ABCG8: variants seen among roughly 807,000 people sequenced by gnomAD.
ABCG8 encodes ATP-binding cassette sub-family G member 8.
A neutral mutation model predicts 71.3 loss-of-function variants in ABCG8; 81 were observed. The ratio of observed to expected loss-of-function variants is 1.14; its 90% confidence interval spans 0.95 to 1.37. The LOEUF is 1.37. Among genes scored for constraint, ABCG8 ranks in the 40% most tolerant of loss-of-function variants. The pLI, the probability that ABCG8 is intolerant of heterozygous loss-of-function variation, is 0.00. For synonymous variants in ABCG8, 451 were observed against 354.7 expected (o/e 1.27, Z -3.05); for missense variants, 1,119 against 866.2 (o/e 1.29, Z -3.66).
At chr2:43,868,545 T>C (rs965417478) in intron 6 of ABCG8, among the ~76,000 whole-genome samples, 1 of 152,144 alleles carries the variant, frequency 6.6e-6, no homozygotes, top group Non-Finnish European at 1.5e-5. Flanking sequence ...ACTATCTGTC[T>C]GGATAGAATT....
Position 43,844,621 on chromosome 2 carries a change from C to T in ABCG8, c.165+13C>T, listed in dbSNP as rs75365565. ...CCTCAACTACCAGGTAGAGGCACGC[C>T]TGGGTTCAAGGGGAGAGGAGCAGGC... is the stretch of plus-strand genomic sequence containing the variant. On this transcript the variant is annotated intron_variant, in intron 2 of 12. Coordinates refer to ENST00000272286, the MANE Select transcript of ABCG8 (RefSeq NM_022437.3). 21,237 of 1,602,728 alleles carry T rather than the reference C, an allele frequency of 0.013. 390 individuals are homozygous for T. The highest frequency in any genetic ancestry group is 0.083 in the Admixed American group (4,991 of 59,890).
At chr2:43,867,615 A>G (rs567500030) in intron 6 of ABCG8, among the ~76,000 whole-genome samples, 8 of 141,890 alleles carry the variant, frequency 5.6e-5, no homozygotes, top group Non-Finnish European at 1.1e-4. Flanking sequence ...AGAATTCTCA[A>G]TCTCTGCATA....
Position 43,877,699 on chromosome 2 carries a change from A to T in ABCG8, c.1884+11A>T. 6.2e-7 allele frequency: 1 copy of T among 1,613,944 alleles called. No homozygotes were observed. Among genetic ancestry groups the T allele is most frequent in the Non-Finnish European group, 8.5e-7 (1 of 1,179,974 alleles). ...GTCTCAGGAGATAAAGTAAGCGGGG[A>T]AGGCCTCGGGTTCTAAATTATTGGA... On this transcript the variant is annotated intron_variant, in intron 12 of 12. Transcript: ENST00000272286.
intron 4 of ABCG8, 82 bp from the exon 5 acceptor site, chr2:43,852,272 G>A (rs1668944259): frequency 1.4e-5 from 22 of 1,595,794 alleles, no homozygotes; most frequent in Non-Finnish European, 1.7e-5. Flanking sequence ...GGAGGAGCGG[G>A]CGCCTTTATC....
At chr2:43,874,509 T>G in intron 10 of ABCG8, 26 bp downstream of exon 10, 1 of 1,394,770 alleles carries the variant, frequency 7.2e-7, no homozygotes, top group Non-Finnish European at 9.8e-7. Context: ...TGAGAGCAAG[T>G]GCCCCCCACC....
rs6732359 is a variant in ABCG8 at position 43,874,233 on chromosome 2, A to G, written c.1412-174A>G. ...AGCTACAGACTTGCAAAACCTGAAGAGCCTCATCAAACATCTAAATTAGGA... is the reference window on the plus strand; with the variant it reads ...AGCTACAGACTTGCAAAACCTGAAGGGCCTCATCAAACATCTAAATTAGGA... On this transcript the variant is annotated intron_variant, in intron 9 of 12. Transcript: ENST00000272286. Among the ~76,000 whole-genome samples the G allele has an allele frequency of 0.011, 1,708 of 152,284 alleles. 31 individuals are homozygous for G. Among genetic ancestry groups the G allele is most frequent in the African/African-American group, 0.039 (1,632 of 41,540 alleles).
chr2:43,870,534 T>C (rs545192903), intron 6 of ABCG8, among the ~76,000 whole-genome samples: 1 of 152,166 alleles, frequency 6.6e-6, no homozygotes, highest in African/African-American at 2.4e-5. Flanking sequence ...ACCCTTTGGA[T>C]AGAACTCTCA....
chr2:43,879,675 G>C lies in ABCG8; in HGVS notation c.*1762G>C, dbSNP rs536250524. On this transcript the variant is annotated 3_prime_UTR_variant, in exon 13 of 13. Transcript: ENST00000272286. ...ATCAAGCCTTGGATCTAGTTCTCAA[G>C]TCTCTTTTGTCTCTTTCAGTTTAGG... The C allele has an allele frequency of 6.6e-6, 1 of 152,288 alleles. No individual in the cohort carries two copies. Among genetic ancestry groups the C allele is most frequent in the Non-Finnish European group, 1.5e-5 (1 of 68,014 alleles). The allele number at this position is 152,288 out of a possible 1,614,324, so 9.4% of individuals were successfully genotyped here. A position where few individuals can be genotyped will look rare whatever the true frequency, so the allele number is the denominator to read the frequency against.
At chr2:43,846,447 T>C in intron 3 of ABCG8, 136 bp downstream of exon 3, 1 of 1,320,886 alleles carries the variant, frequency 7.6e-7, no homozygotes, top group Admixed American at 1.9e-5. Context: ...GAACACAGGT[T>C]CTGGGTCAGA....
At chr2:43,843,849 C>CATG (rs1230701179) in intron 1 of ABCG8, among the ~76,000 whole-genome samples, 1 of 152,010 alleles carries the variant, frequency 6.6e-6, no homozygotes, top group Non-Finnish European at 1.5e-5. Flanking sequence ...ATAACAACAA[C>CATG]ATGATGATGA....
intron 2 of ABCG8, 59 bp downstream of exon 2, chr2:43,844,667 C>G: frequency 4.3e-6 from 6 of 1,409,284 alleles, no homozygotes; most frequent in East Asian, 2.3e-5. Flanking sequence ...AGGAAATTCC[C>G]CGGGTGGAAA....
At chr2:43,840,385 G>A (rs931369749) in intron 1 of ABCG8, among the ~76,000 whole-genome samples, 1 of 152,202 alleles carries the variant, frequency 6.6e-6, no homozygotes, top group African/African-American at 2.4e-5. Context: ...AACACTTCCT[G>A]CCTGGGAGGG....
At chr2:43,866,302 A>G (rs1232725352) in intron 6 of ABCG8, among the ~76,000 whole-genome samples, 6 of 151,932 alleles carry the variant, frequency 3.9e-5, no homozygotes, top group South Asian at 2.1e-4. Flanking sequence ...CTTCATGTCT[A>G]AAACACCAAA....
rs974912280 is a variant in ABCG8, at chr2:43,880,426, G to A, written c.*2513G>A. ...AGGCCTCAAGTGATCTGCCTGCTTC[G>A]GCCTCCCAAAGTGTTGGGATTACAG... On this transcript the variant is annotated 3_prime_UTR_variant, in exon 13 of 13. Coordinates refer to ENST00000272286, the MANE Select transcript of ABCG8 (RefSeq NM_022437.3). 17 of 152,148 alleles carry A rather than the reference G, an allele frequency of 1.1e-4. No individual in the cohort carries two copies. The highest frequency in any genetic ancestry group is 2.9e-4 in the African/African-American group (12 of 41,504). The allele number at this position is 152,148 out of a possible 1,614,324, so 9.4% of individuals were successfully genotyped here.
At chr2:43,862,308 C>G (rs917366984) in intron 6 of ABCG8, among the ~76,000 whole-genome samples, 1 of 151,260 alleles carries the variant, frequency 6.6e-6, no homozygotes, top group Non-Finnish European at 1.5e-5. Flanking sequence ...TGGTAGAACT[C>G]TCACTATCTA....
rs1182025572 is a variant in ABCG8, at chr2:43,882,947, C to G, written c.*5034C>G. The G allele has an allele frequency of 6.6e-6, 1 of 152,206 alleles. No individual in the cohort carries two copies. The highest frequency in any genetic ancestry group is 2.4e-5 in the African/African-American group (1 of 41,442). The allele number at this position is 152,206 out of a possible 1,614,324, so 9.4% of individuals were successfully genotyped here. A position where few individuals can be genotyped will look rare whatever the true frequency, so the allele number is the denominator to read the frequency against. ...CTTGTTTCCCCAAACTGCTAATAAG[C>G]TCTACTGACCCATGCTAAAAATAAA... On this transcript the variant is annotated 3_prime_UTR_variant, in exon 13 of 13. Transcript: ENST00000272286.
chr2:43,861,039 T>C (rs72796785), intron 6 of ABCG8, among the ~76,000 whole-genome samples: 7,750 of 151,366 alleles, frequency 0.051, 246 homozygotes, highest in Middle Eastern at 0.11. Context: ...TCTATCGGGA[T>C]AGAATTCTCA....
At position 43,877,060 on chromosome 2, in the gene ABCG8, CTA is replaced by C. The variant is rs1159298176; in HGVS notation, c.1757-500_1757-499del. Among the ~76,000 whole-genome samples the C allele has an allele frequency of 3.2e-4, 44 of 136,808 alleles. 1 individual carries two copies. The highest frequency in any genetic ancestry group is 1.2e-3 in the African/African-American group (44 of 35,516). The allele number at this position is 136,808 out of a possible 152,430, so 89.8% of individuals were successfully genotyped here. A position where few individuals can be genotyped will look rare whatever the true frequency, so the allele number is the denominator to read the frequency against. On this transcript the variant is annotated intron_variant, in intron 11 of 12. Transcript: ENST00000272286. ...GGGAGACTGGGAGTATGGGGAGACTCTAGTAATATGGGGAGACTGGGAATATG... is the reference window on the plus strand; with the variant it reads ...GGGAGACTGGGAGTATGGGGAGACTCGTAATATGGGGAGACTGGGAATATG...
chr2:43,879,827 C>A lies in ABCG8; in HGVS notation c.*1914C>A, dbSNP rs1223828598. ...GTGATTTCAACTTCTCCCATACCAA[C>A]AACGTTCACTTTGATCACTTGATTA... On this transcript the variant is annotated 3_prime_UTR_variant, in exon 13 of 13. Transcript: ENST00000272286. 6.6e-6 allele frequency: 1 copy of A among 152,220 alleles called. No homozygotes were observed. Among genetic ancestry groups the A allele is most frequent in the Non-Finnish European group, 1.5e-5 (1 of 68,042 alleles). The allele number at this position is 152,220 out of a possible 1,614,324, so 9.4% of individuals were successfully genotyped here. A position where few individuals can be genotyped will look rare whatever the true frequency, so the allele number is the denominator to read the frequency against.
Sources: gnomAD v4.1 joint callset for allele counts (sites outside exome capture counted in the v4.1 genomes callset) on GRCh38, gnomAD v4.1.1 for gene constraint, MANE v1.5 for transcripts, NCBI Gene and HGNC (gene_info 2026-07-23, HGNC 2026-07-21) for gene names.